FBN1: variants seen among roughly 807,000 people sequenced by gnomAD.
FBN1 encodes fibrillin 1.
Under a neutral mutation model 365.1 loss-of-function variants are expected in FBN1, and 29 were observed. That is an observed-to-expected ratio of 0.08 (90% CI 0.06 to 0.11). The LOEUF (loss-of-function observed/expected upper bound fraction) is 0.11. Ranked by LOEUF, FBN1 falls within the 10% of genes least tolerant of loss-of-function variation. The pLI, the probability that FBN1 is intolerant of heterozygous loss-of-function variation, is 1.00. For missense variants in FBN1, 2,476 were observed against 3,703.2 expected (o/e 0.67, Z 8.60); for synonymous variants, 1,210 against 1,270.5 (o/e 0.95, Z 1.01).
intron 23 of FBN1, among the ~76,000 whole-genome samples, chr15:48,493,712 TTG>T (rs1418309337): frequency 6.6e-6 from 1 of 152,182 alleles, no homozygotes; most frequent in African/African-American, 2.4e-5. Flanking sequence ...TCATGTCAGG[TTG>T]TGTTAGTCAC....
At chr15:48,610,897 A>G (rs1376471257) in intron 3 of FBN1, 71 bp from the exon 4 acceptor site, 3 of 1,319,856 alleles carry the variant, frequency 2.3e-6, no homozygotes, top group Non-Finnish European at 3.3e-6. Context: ...CCAATCCTCA[A>G]ATGAGGAAAC....
At chr15:48,443,762 A>G (rs1566897931) in intron 49 of FBN1, among the ~76,000 whole-genome samples, 1 of 152,150 alleles carries the variant, frequency 6.6e-6, no homozygotes, top group Admixed American at 6.6e-5. Flanking sequence ...ATGATATGAC[A>G]TATTTGTTGA....
chr15:48,524,643 T>A (rs1428816539), intron 9 of FBN1, among the ~76,000 whole-genome samples: 3 of 151,772 alleles, frequency 2.0e-5, no homozygotes, highest in Non-Finnish European at 4.4e-5. Context: ...AGTTGAGGGG[T>A]AGAAGGCAAA....
intron 6 of FBN1, among the ~76,000 whole-genome samples, chr15:48,595,873 T>C (rs1427047150): frequency 6.6e-6 from 1 of 152,230 alleles, no homozygotes; most frequent in Non-Finnish European, 1.5e-5. Context: ...AACAGATCTT[T>C]AGGTGTGCTT....
chr15:48,415,487 A>T, intron 64 of FBN1, 49 bp downstream of exon 64: 1 of 1,378,066 alleles, frequency 7.3e-7, no homozygotes, highest in South Asian at 1.2e-5. Flanking sequence ...ACTTAATTAT[A>T]TTACGAATGA....
intron 5 of FBN1, among the ~76,000 whole-genome samples, chr15:48,596,673 G>A (rs1449798854): frequency 5.9e-5 from 9 of 152,236 alleles, no homozygotes; most frequent in Admixed American, 5.2e-4. Context: ...AGATGTCACT[G>A]AATGGGAACT....
chr15:48,490,648 G>C (rs1006483433), intron 24 of FBN1, among the ~76,000 whole-genome samples: 1 of 152,218 alleles, frequency 6.6e-6, no homozygotes, highest in Non-Finnish European at 1.5e-5. Context: ...CTAAACACGT[G>C]CTTAAGGGCA....
At chr15:48,485,633 G>T in intron 29 of FBN1, 137 bp from the exon 30 acceptor site, 1 of 918,076 alleles carries the variant, frequency 1.1e-6, no homozygotes, top group Non-Finnish European at 1.7e-6. Flanking sequence ...CATCCTATGA[G>T]GGCTCTACCC....
chr15:48,497,420 T>A (rs1204616060), intron 18 of FBN1, 29 bp from the exon 19 acceptor site: 3 of 1,593,328 alleles, frequency 1.9e-6, no homozygotes, highest in Non-Finnish European at 1.7e-6. Flanking sequence ...CAAAATCAAT[T>A]AAGATTATAA....
intron 6 of FBN1, among the ~76,000 whole-genome samples, chr15:48,556,385 G>A (rs2069147): frequency 0.078 from 11,832 of 152,182 alleles, 1,616 homozygotes; most frequent in African/African-American, 0.27. Flanking sequence ...ATATGAGCTC[G>A]AAAGCATTCA....
At chr15:48,526,972 C>T (rs1158728446) in intron 8 of FBN1, among the ~76,000 whole-genome samples, 5 of 152,190 alleles carry the variant, frequency 3.3e-5, no homozygotes, top group African/African-American at 9.6e-5. Flanking sequence ...CCCAGGCACC[C>T]GACACCCAAT....
rs756093148 is a variant in FBN1 at position 48,420,799 on chromosome 15, G to A, written c.7707C>T (p.Asp2569=). 2.0e-5 allele frequency: 33 copies of A among 1,613,640 alleles called. No homozygotes were observed. Among genetic ancestry groups the A allele is most frequent in the Middle Eastern group, 1.7e-4 (1 of 5,988 alleles). ...GGCAGCGGTGGTTACCCTCACACTCGTCCACGTCTGAAAAAGAAGCAGAGC... is the reference window on the plus strand; with the variant it reads ...GGCAGCGGTGGTTACCCTCACACTCATCCACGTCTGAAAAAGAAGCAGAGC... ...DQTGSSCEDV[D]ECEGNHRCQH... The change falls in exon 63 of 66, where the codon GAC becomes GAT. Residue 2569 remains aspartate, a synonymous_variant. Coordinates refer to ENST00000316623, the MANE Select transcript of FBN1 (RefSeq NM_000138.5).
chr15:48,411,222 A>T lies in FBN1; in HGVS notation c.8384T>A (p.Ile2795Asn), dbSNP rs2042859661. The change falls in exon 66 of 66, where the codon ATC becomes AAC. Residue 2795 changes from isoleucine (I) to asparagine (N), a missense_variant. Transcript: ENST00000316623. ...TTLTNHNRYL[I>N]ESGNEDGFFK... ...GAAGCCATCTTCATTTCCAGATTCG[A>T]TCAAGTATCTGTTGTGATTCGTCAG... The T allele has an allele frequency of 6.2e-7, 1 of 1,614,092 alleles. No individual in the cohort carries two copies. The highest frequency in any genetic ancestry group is 8.5e-7 in the Non-Finnish European group (1 of 1,180,004).
chr15:48,540,369 A>G (rs1260878219), intron 6 of FBN1, among the ~76,000 whole-genome samples: 1 of 152,190 alleles, frequency 6.6e-6, no homozygotes, highest in African/African-American at 2.4e-5. Flanking sequence ...TTTTTTAATC[A>G]TAAAATAAGG....
chr15:48,458,327 T>TC (rs200653077), intron 43 of FBN1, among the ~76,000 whole-genome samples: 2,691 of 152,316 alleles, frequency 0.018, 52 homozygotes, highest in East Asian at 0.083. Context: ...TAGACCCTTT[T>TC]TAAAAAAGGG....
At chr15:48,482,393 C>CA (rs373255678) in intron 31 of FBN1, among the ~76,000 whole-genome samples, 7 of 151,212 alleles carry the variant, frequency 4.6e-5, no homozygotes, top group African/African-American at 1.7e-4. Context: ...ATGAAACAAC[C>CA]AAAAAAAATA....
At chr15:48,575,035 G>C (rs941624068) in intron 6 of FBN1, among the ~76,000 whole-genome samples, 2 of 152,154 alleles carry the variant, frequency 1.3e-5, no homozygotes, top group Non-Finnish European at 2.9e-5. Flanking sequence ...ATAAAAACGG[G>C]TTCCAGAAGG....
chr15:48,460,824 T>C (rs1289445552), intron 42 of FBN1, among the ~76,000 whole-genome samples: 4 of 152,210 alleles, frequency 2.6e-5, no homozygotes. Context: ...TTTTTGGAGC[T>C]GGATTTCATT....
intron 6 of FBN1, among the ~76,000 whole-genome samples, chr15:48,555,278 C>T (rs143120624): frequency 6.6e-6 from 1 of 152,290 alleles, no homozygotes; most frequent in African/African-American, 2.4e-5. Flanking sequence ...TGCACAACCC[C>T]CTTTCGCCCA....
Sources: gnomAD v4.1 joint callset for allele counts (sites outside exome capture counted in the v4.1 genomes callset) on GRCh38, gnomAD v4.1.1 for gene constraint, MANE v1.5 for transcripts, NCBI Gene and HGNC (gene_info 2026-07-23, HGNC 2026-07-21) for gene names.